RFX3: variants seen among roughly 807,000 people sequenced by gnomAD.
RFX3 encodes transcription factor RFX3.
Under a neutral mutation model 98.6 loss-of-function variants are expected in RFX3, and 14 were observed. That is an observed-to-expected ratio of 0.14 (90% confidence interval 0.09 to 0.22). The LOEUF is 0.22. Among genes scored for constraint, RFX3 ranks in the 10% least tolerant of loss-of-function variants. RFX3 has a pLI of 1.00. For synonymous variants in RFX3, 383 were observed against 328.4 expected, an observed-to-expected ratio of 1.17 and a Z score of -1.80; for missense variants, 639 against 926.9, an observed-to-expected ratio of 0.69 and a Z score of 4.03.
At chr9:3,393,577 T>G (rs1372440960) in intron 2 of RFX3, among the ~76,000 whole-genome samples, 1 of 151,864 alleles carries the variant, frequency 6.6e-6, no homozygotes, top group Non-Finnish European at 1.5e-5. Context: ...TATAACAATG[T>G]CTGAATTGTT....
chr9:3,338,833 T>C (rs1040643084), intron 3 of RFX3, among the ~76,000 whole-genome samples: 1 of 152,198 alleles, frequency 6.6e-6, no homozygotes, highest in Admixed American at 6.5e-5. Flanking sequence ...CTCACGCCTG[T>C]AATCTCAACA....
chr9:3,475,682 G>A (rs1384876020), intron 1 of RFX3, among the ~76,000 whole-genome samples: 1 of 152,188 alleles, frequency 6.6e-6, no homozygotes, highest in Non-Finnish European at 1.5e-5. Context: ...TGCCTAAAAG[G>A]CAGAGCCAGG....
intron 1 of RFX3, among the ~76,000 whole-genome samples, chr9:3,442,886 T>C (rs1845724326): frequency 6.6e-6 from 1 of 152,138 alleles, no homozygotes; most frequent in African/African-American, 2.4e-5. Context: ...ATTAATAAAT[T>C]AGACTTAATC....
At chr9:3,443,518 C>G (rs1318838840) in intron 1 of RFX3, among the ~76,000 whole-genome samples, 1 of 152,144 alleles carries the variant, frequency 6.6e-6, no homozygotes, top group African/African-American at 2.4e-5. Context: ...ATTCATGTCC[C>G]TGTAAAGGAC....
intron 1 of RFX3, among the ~76,000 whole-genome samples, chr9:3,497,647 C>A (rs1851208126): frequency 6.6e-6 from 1 of 151,856 alleles, no homozygotes; most frequent in Non-Finnish European, 1.5e-5. Flanking sequence ...ACTATTATTA[C>A]AGGAATGTGA....
chr9:3,511,380 T>C (rs1163472700), intron 1 of RFX3, among the ~76,000 whole-genome samples: 1 of 151,942 alleles, frequency 6.6e-6, no homozygotes, highest in Non-Finnish European at 1.5e-5. Context: ...GATTTTAGAA[T>C]TGTAAAATAA....
intron 14 of RFX3, 68 bp downstream of exon 14, chr9:3,256,922 AT>A: frequency 1.4e-6 from 2 of 1,394,520 alleles, no homozygotes; most frequent in South Asian, 2.4e-5. Flanking sequence ...ACAGAAGCAT[AT>A]ACAAACACAT....
At chr9:3,476,977 C>A (rs1587807390) in intron 1 of RFX3, among the ~76,000 whole-genome samples, 1 of 152,172 alleles carries the variant, frequency 6.6e-6, no homozygotes. Context: ...GATAACACAC[C>A]CTAGTGAGAT....
chr9:3,308,734 A>T (rs530998731), intron 4 of RFX3, among the ~76,000 whole-genome samples: 4 of 152,294 alleles, frequency 2.6e-5, no homozygotes, highest in African/African-American at 7.2e-5. Context: ...ATTAGATTTC[A>T]TCAGAGAGTA....
intron 2 of RFX3, among the ~76,000 whole-genome samples, chr9:3,377,556 G>A (rs1000632000): frequency 1.5e-4 from 23 of 152,142 alleles, no homozygotes; most frequent in East Asian, 1.3e-3. Context: ...ACTGCACGCC[G>A]TGCACATGTA....
At chr9:3,237,832 TAAG>T (rs1472955945) in intron 15 of RFX3, among the ~76,000 whole-genome samples, 11 of 152,166 alleles carry the variant, frequency 7.2e-5, no homozygotes, top group Admixed American at 3.9e-4. Context: ...CGGAACAACA[TAAG>T]AAGTGGAGCC....
chr9:3,520,764 C>G (rs962172162), intron 1 of RFX3, among the ~76,000 whole-genome samples: 2 of 152,184 alleles, frequency 1.3e-5, no homozygotes, highest in African/African-American at 2.4e-5. Context: ...TAACCTGAAA[C>G]TCCTGGGCTA....
Position 3,288,135 on chromosome 9 carries a change from G to C in RFX3, c.847C>G (p.Gln283Glu). Residue 283 changes from glutamine to glutamate, a missense_variant, in exon 7 of 17, where the codon CAA becomes GAA. Around this residue, in one of 9 missense-constraint regions of RFX3, gnomAD observed 86 missense variants for 113.2 expected, o/e 0.76. Coordinates refer to ENST00000617270, the MANE Select transcript of RFX3 (RefSeq NM_001282116.2). The stretch of plus-strand genomic sequence containing the variant: ...AATGATAACTTCAGAGTCTACCTTT[G>C]TTTCTGTTGCATGGGTTGTTGTCTC... ...AMRQQPMQQK[Q>E]RYKPMQKVDG... 1 of 1,612,610 alleles carries C rather than the reference G, an allele frequency of 6.2e-7. No homozygotes were observed. Among genetic ancestry groups the C allele is most frequent in the Non-Finnish European group, 8.5e-7 (1 of 1,178,862 alleles).
chr9:3,360,066 T>C (rs1368801829), intron 2 of RFX3, among the ~76,000 whole-genome samples: 1 of 152,090 alleles, frequency 6.6e-6, no homozygotes, highest in Non-Finnish European at 1.5e-5. Context: ...TTCATTACCA[T>C]CCCCAATAAT....
chr9:3,462,871 G>C (rs1160494536), intron 1 of RFX3, among the ~76,000 whole-genome samples: 1 of 151,918 alleles, frequency 6.6e-6, no homozygotes, highest in African/African-American at 2.4e-5. Context: ...ATATATGCAA[G>C]AATTATCCAC....
At chr9:3,431,342 C>A (rs1252428245) in intron 1 of RFX3, among the ~76,000 whole-genome samples, 1 of 152,116 alleles carries the variant, frequency 6.6e-6, no homozygotes, top group Non-Finnish European at 1.5e-5. Context: ...AGAAAAGTTA[C>A]ATTACAACAA....
chr9:3,378,122 A>G, intron 2 of RFX3, among the ~76,000 whole-genome samples: 1 of 152,346 alleles, frequency 6.6e-6, no homozygotes, highest in South Asian at 2.1e-4. Context: ...ACTGAAAATA[A>G]TACATACAAT....
intron 1 of RFX3, among the ~76,000 whole-genome samples, chr9:3,436,379 G>T (rs1845123840): frequency 6.6e-6 from 1 of 151,998 alleles, no homozygotes; most frequent in South Asian, 2.1e-4. Flanking sequence ...TGTCAAAATT[G>T]CAGGAGGGAA....
chr9:3,409,451 T>C lies in RFX3; in HGVS notation c.-8-13855A>G, dbSNP rs1336352975. 2.0e-5 allele frequency among the ~76,000 whole-genome samples: 3 copies of C among 152,300 alleles called. No individual in the cohort carries two copies. In the South Asian group the frequency reaches 6.2e-4, roughly 32 times the overall value. Reference sequence around the variant, plus strand: ...CTACTGCGAAATATCAGGGTTGAAATTGCAATGGAAAAATTAAAATCAAAT... The same window carrying C: ...CTACTGCGAAATATCAGGGTTGAAACTGCAATGGAAAAATTAAAATCAAAT... On this transcript the variant is annotated intron_variant, in intron 1 of 16. Transcript: ENST00000617270.
Sources: allele counts gnomAD v4.1 joint callset (sites outside exome capture counted in the v4.1 genomes callset), GRCh38; gene constraint gnomAD v4.1.1; regional missense constraint gnomAD v4.1.1; transcripts MANE v1.5; gene names NCBI Gene and HGNC (gene_info 2026-07-23, HGNC 2026-07-21).